Variants in ZBBX observed in about 807,000 individuals in gnomAD.
ZBBX encodes the protein zinc finger B-box domain-containing protein 1.
Under a neutral mutation model 108.5 loss-of-function variants are expected in ZBBX, and 101 were observed. The observed-to-expected ratio is 0.93, with a 90% CI of 0.79 to 1.10. ZBBX has a LOEUF of 1.10. Among genes scored for constraint, ZBBX ranks in the 50% least tolerant of loss-of-function variants. The pLI is 0.00. For synonymous variants in ZBBX, 356 were observed against 323.4 expected (o/e 1.10, Z -1.08); for missense variants, 1,009 against 941.4 (o/e 1.07, Z -0.94).
Position 167,319,757 on chromosome 3 carries a change from T to A in ZBBX, c.984-2160A>T, listed in dbSNP as rs141014446. Among the ~76,000 whole-genome samples the A allele has an allele frequency of 5.6e-3, 857 of 152,162 alleles. 12 individuals carry two copies. Among genetic ancestry groups the A allele is most frequent in the African/African-American group, 0.02 (836 of 41,558 alleles). The stretch of plus-strand genomic sequence containing the variant: ...TTGTTTCTCTCAGTGATATTTGTGA[T>A]TCTGAAACTACTGTATGTATACATA... On this transcript the variant is annotated intron_variant, in intron 12 of 21. Transcript: ENST00000675490.
At position 167,340,291 on chromosome 3, in the gene ZBBX, A is replaced by G. The variant is rs138780499; in HGVS notation, c.529-6306T>C. The stretch of plus-strand genomic sequence containing the variant: ...TTCATATTATCATAGACCTAACTAC[A>G]TCAAGCAGGTACTAGTTACACCAAG... On this transcript the variant is annotated intron_variant, in intron 9 of 21. Coordinates refer to ENST00000675490, the MANE Select transcript of ZBBX (RefSeq NM_001199201.2). 7.4e-4 allele frequency among the ~76,000 whole-genome samples: 112 copies of G among 152,264 alleles called. 1 individual carries two copies. The highest frequency in any genetic ancestry group is 2.6e-3 in the African/African-American group (108 of 41,586).
chr3:167,314,179 T>G, intron 15 of ZBBX, 63 bp from the exon 16 acceptor site: 1 of 1,427,430 alleles, frequency 7.0e-7, no homozygotes, highest in Non-Finnish European at 9.4e-7. Flanking sequence ...AAGAAAATTT[T>G]AAAAGTCCCA....
chr3:167,340,493 T>A (rs1212622879), intron 9 of ZBBX, among the ~76,000 whole-genome samples: 1 of 152,096 alleles, frequency 6.6e-6, no homozygotes, highest in East Asian at 1.9e-4. Flanking sequence ...TCTCTCAATT[T>A]TTTTACATTA....
chr3:167,282,596 T>G, intron 19 of ZBBX, 101 bp from the exon 20 acceptor site: 1 of 1,002,400 alleles, frequency 1.0e-6, no homozygotes, highest in South Asian at 1.7e-5. Flanking sequence ...GAAGTTAAGT[T>G]CATGTAACAG....
At chr3:167,247,275 T>C (rs13085286) in intron 20 of ZBBX, among the ~76,000 whole-genome samples, 124,663 of 152,122 alleles carry the variant, frequency 0.82, 51,472 homozygotes, top group African/African-American at 0.93. Flanking sequence ...GGCAAAAGAG[T>C]ACACTGACAG....
At chr3:167,316,409 C>T (rs888112022) in intron 14 of ZBBX, among the ~76,000 whole-genome samples, 4 of 152,064 alleles carry the variant, frequency 2.6e-5, no homozygotes, top group African/African-American at 9.7e-5. Context: ...CATTCAGCTA[C>T]TATATTACTA....
At chr3:167,406,367 T>A (rs1390846496) in intron 1 of ZBBX, among the ~76,000 whole-genome samples, 1 of 152,118 alleles carries the variant, frequency 6.6e-6, no homozygotes, top group Non-Finnish European at 1.5e-5. Flanking sequence ...AGGGAACTTA[T>A]GAGATTAAAC....
At position 167,286,259 on chromosome 3, in the gene ZBBX, G is replaced by A. The variant is rs116242836; in HGVS notation, c.1996+2608C>T. ...CAGAAAGAAAGTAAATGTGGCTACA[G>A]TGTAGGAGAAGATGCAGTTAGGAGA... is the stretch of plus-strand genomic sequence containing the variant. On this transcript the variant is annotated intron_variant, in intron 19 of 21. Transcript: ENST00000675490. Among the ~76,000 whole-genome samples the A allele has an allele frequency of 8.5e-3, 1,301 of 152,260 alleles. 12 individuals carry two copies. Among genetic ancestry groups the A allele is most frequent in the African/African-American group, 0.029 (1,215 of 41,570 alleles).
intron 1 of ZBBX, among the ~76,000 whole-genome samples, chr3:167,398,225 T>C (rs1748311485): frequency 6.6e-6 from 1 of 152,108 alleles, no homozygotes; most frequent in African/African-American, 2.4e-5. Context: ...TGTGTAGCTG[T>C]GTCAGAACGT....
At chr3:167,312,553 ACT>A (rs1415498744) in intron 16 of ZBBX, among the ~76,000 whole-genome samples, 1 of 152,098 alleles carries the variant, frequency 6.6e-6, no homozygotes, top group Admixed American at 6.6e-5. Context: ...GTATATAGGA[ACT>A]CTCTGTACTT....
intron 16 of ZBBX, among the ~76,000 whole-genome samples, chr3:167,310,966 T>C (rs1734483177): frequency 6.6e-6 from 1 of 152,130 alleles, no homozygotes; most frequent in Admixed American, 6.6e-5. Flanking sequence ...ATCCCCGCCT[T>C]TTTATAGAGA....
intron 5 of ZBBX, chr3:167,366,984 G>A (rs571533183): frequency 1.8e-5 from 8 of 438,110 alleles, no homozygotes; most frequent in Admixed American, 7.5e-5. Flanking sequence ...GAGGGGGTAT[G>A]TATATAAGTT....
intron 20 of ZBBX, among the ~76,000 whole-genome samples, chr3:167,268,393 T>G (rs773786561): frequency 6.6e-6 from 1 of 151,828 alleles, no homozygotes; most frequent in Non-Finnish European, 1.5e-5. Flanking sequence ...ACCCTCCCAG[T>G]CAAGACGTTC....
intron 9 of ZBBX, among the ~76,000 whole-genome samples, chr3:167,342,559 G>A (rs933322998): frequency 3.3e-5 from 5 of 151,380 alleles, no homozygotes; most frequent in Admixed American, 3.3e-4. Flanking sequence ...TTAACCGTAG[G>A]TACCATGTTG....
intron 9 of ZBBX, among the ~76,000 whole-genome samples, chr3:167,341,067 T>G (rs1305658191): frequency 6.6e-6 from 1 of 151,994 alleles, no homozygotes; most frequent in African/African-American, 2.4e-5. Flanking sequence ...TGAAATTTAT[T>G]GCTTATTCCA....
At chr3:167,236,630 C>T (rs1720240843), downstream of ZBBX, among the ~76,000 whole-genome samples, 1 of 151,706 alleles carries the variant, frequency 6.6e-6, no homozygotes, top group South Asian at 2.1e-4. Context: ...CATATATCAT[C>T]TTCCTTTGGG....
the ZBBX span, among the ~76,000 whole-genome samples, chr3:167,200,244 T>C: frequency 2.4e-4 from 36 of 152,232 alleles, 1 homozygote; most frequent in South Asian, 7.5e-3. Flanking sequence ...GAGGGGAGCA[T>C]GATTCAACGC....
At chr3:167,257,466 C>A (rs1272316545) in intron 20 of ZBBX, among the ~76,000 whole-genome samples, 1 of 152,006 alleles carries the variant, frequency 6.6e-6, no homozygotes, top group East Asian at 1.9e-4. Flanking sequence ...AGTTATGTTT[C>A]AGGTTTAAGA....
At chr3:167,228,933 T>C in the ZBBX span, among the ~76,000 whole-genome samples, 1 of 151,758 alleles carries the variant, frequency 6.6e-6, no homozygotes, top group Non-Finnish European at 1.5e-5. Flanking sequence ...TTCCACCCTG[T>C]TACCACTATC....
Sources: allele counts gnomAD v4.1 joint callset (sites outside exome capture counted in the v4.1 genomes callset), GRCh38; gene constraint gnomAD v4.1.1; transcripts MANE v1.5; gene names NCBI Gene and HGNC (gene_info 2026-07-23, HGNC 2026-07-21).